The following CDH18 variants were observed in gnomAD, a reference collection of about 807,000 sequenced individuals.
The protein encoded by CDH18 is cadherin 18, also known as cadherin-18.
CDH18 carries 31 observed loss-of-function variants against 67.9 expected under a neutral mutation model. The ratio of observed to expected loss-of-function variants is 0.46; its 90% CI spans 0.34 to 0.62. The LOEUF is 0.62. CDH18 is among the 20% of genes least tolerant of loss of function. The pLI is 0.01. For synonymous variants in CDH18, 362 were observed against 347.2 expected (o/e 1.04, Z -0.48); for missense variants, 890 against 975.5 (o/e 0.91, Z 1.17).
chr5:20,267,949 C>T (rs1745162680), intron 1 of CDH18, among the ~76,000 whole-genome samples: 1 of 152,130 alleles, frequency 6.6e-6, no homozygotes, highest in South Asian at 2.1e-4. Context: ...TTTCCTCCTT[C>T]CCTCTTCCCA....
In CDH18 at chr5:20,553,467, C is replaced by T. The variant is rs191876056; in HGVS notation, c.-580+21995G>A. On this transcript the variant is annotated intron_variant, in intron 1 of 14. Coordinates refer to the CDH18 transcript ENST00000507958. ...AACAACAAAACAGAAACAACGCTAA[C>T]ATTTATTGGGCTAATTATAGAATAT... Among the ~76,000 whole-genome samples the T allele has an allele frequency of 5.1e-4, 78 of 152,222 alleles. 1 individual carries two copies. The highest frequency in any genetic ancestry group is 4.7e-3 in the Admixed American group (72 of 15,276).
chr5:20,168,026 C>T (rs1334486601), intron 2 of CDH18, among the ~76,000 whole-genome samples: 1 of 152,138 alleles, frequency 6.6e-6, no homozygotes, highest in Non-Finnish European at 1.5e-5. Flanking sequence ...GAATGGATGA[C>T]TAAATGGCTG....
chr5:19,663,867 C>T (rs1430183032), intron 5 of CDH18, among the ~76,000 whole-genome samples: 1 of 145,666 alleles, frequency 6.9e-6, no homozygotes, highest in Non-Finnish European at 1.5e-5. Context: ...ATAAGATACA[C>T]TTAAAAGACT....
intron 5 of CDH18, among the ~76,000 whole-genome samples, chr5:19,620,103 A>T (rs1750461280): frequency 6.6e-6 from 1 of 152,232 alleles, no homozygotes; most frequent in Admixed American, 6.5e-5. Flanking sequence ...GCAATCATAA[A>T]TTCATAGAGG....
intron 2 of CDH18, among the ~76,000 whole-genome samples, chr5:20,099,715 TTGAC>T (rs1276778110): frequency 1.3e-5 from 2 of 152,168 alleles, no homozygotes; most frequent in South Asian, 2.1e-4. Flanking sequence ...AGATAAGAGA[TTGAC>T]TGAGTGTGTC....
At chr5:20,200,499 A>C (rs12187864) in intron 2 of CDH18, among the ~76,000 whole-genome samples, 105,920 of 151,842 alleles carry the variant, frequency 0.7, 37,608 homozygotes, top group African/African-American at 0.85. Context: ...CATAGTGAAA[A>C]CTTATCTCTA....
At chr5:20,555,782 A>C (rs1360602987) in intron 1 of CDH18, among the ~76,000 whole-genome samples, 1 of 151,766 alleles carries the variant, frequency 6.6e-6, no homozygotes, top group Non-Finnish European at 1.5e-5. Context: ...ATTATTTTAA[A>C]TGTACCTCTG....
intron 1 of CDH18, among the ~76,000 whole-genome samples, chr5:20,281,463 G>C (rs967995156): frequency 6.6e-6 from 1 of 152,092 alleles, no homozygotes; most frequent in African/African-American, 2.4e-5. Flanking sequence ...ATTAAATAGG[G>C]AATCCTTTCC....
intron 6 of CDH18, among the ~76,000 whole-genome samples, chr5:19,597,310 G>A (rs1580408802): frequency 1.3e-5 from 2 of 152,282 alleles, no homozygotes; most frequent in African/African-American, 2.4e-5. Flanking sequence ...CTAAACCATA[G>A]CTAGATTCCT....
At chr5:20,205,659 T>C (rs1739823959) in intron 2 of CDH18, among the ~76,000 whole-genome samples, 1 of 151,738 alleles carries the variant, frequency 6.6e-6, no homozygotes, top group Non-Finnish European at 1.5e-5. Flanking sequence ...AGAAATCATA[T>C]AATATTTTCT....
At chr5:20,495,567 T>C (rs1753856257) in intron 1 of CDH18, among the ~76,000 whole-genome samples, 1 of 151,994 alleles carries the variant, frequency 6.6e-6, no homozygotes, top group East Asian at 1.9e-4. Flanking sequence ...AAAGTGCTCC[T>C]CCCAAAGAAC....
chr5:19,945,479 T>C (rs927440217), intron 2 of CDH18, among the ~76,000 whole-genome samples: 3 of 152,100 alleles, frequency 2.0e-5, no homozygotes, highest in African/African-American at 7.2e-5. Context: ...CCAAAACCTG[T>C]CATCATAGCA....
intron 2 of CDH18, among the ~76,000 whole-genome samples, chr5:20,183,014 T>C (rs1236906193): frequency 2.0e-5 from 3 of 152,118 alleles, no homozygotes; most frequent in Admixed American, 6.6e-5. Context: ...ATCTTTCTTA[T>C]ATTAGTTCTC....
intron 1 of CDH18, among the ~76,000 whole-genome samples, chr5:20,320,184 A>G (rs1737867466): frequency 6.6e-6 from 1 of 151,748 alleles, no homozygotes; most frequent in Non-Finnish European, 1.5e-5. Flanking sequence ...GGCAAAATAG[A>G]TTTAAGAATC....
At chr5:20,195,873 A>G (rs1386547601) in intron 2 of CDH18, among the ~76,000 whole-genome samples, 2 of 152,122 alleles carry the variant, frequency 1.3e-5, no homozygotes, top group African/African-American at 4.8e-5. Context: ...CACTTAATGG[A>G]AAGTGTGTAG....
chr5:20,029,681 C>A (rs181572647), intron 2 of CDH18, among the ~76,000 whole-genome samples: 1 of 152,122 alleles, frequency 6.6e-6, no homozygotes, highest in Non-Finnish European at 1.5e-5. Context: ...ATTTTAAAGT[C>A]TTATTATTTG....
intron 2 of CDH18, among the ~76,000 whole-genome samples, chr5:20,132,089 A>T (rs1466914445): frequency 1.3e-5 from 2 of 152,034 alleles, no homozygotes. Flanking sequence ...GGGTTTAACC[A>T]TGTTGACCAG....
At chr5:19,752,293 G>C (rs1166897591) in intron 3 of CDH18, among the ~76,000 whole-genome samples, 2 of 152,052 alleles carry the variant, frequency 1.3e-5, no homozygotes, top group African/African-American at 4.8e-5. Flanking sequence ...TAAGTCCTCA[G>C]CCCTGCTTGC....
At chr5:20,181,623 A>G (rs201186709) in intron 2 of CDH18, among the ~76,000 whole-genome samples, 1 of 152,132 alleles carries the variant, frequency 6.6e-6, no homozygotes, top group East Asian at 1.9e-4. Flanking sequence ...AGTAACATAG[A>G]TACAGTTTTT....
Sources: gnomAD v4.1 joint callset for allele counts (sites outside exome capture counted in the v4.1 genomes callset) on GRCh38, gnomAD v4.1.1 for gene constraint, MANE v1.5 for transcripts, NCBI Gene and HGNC (gene_info 2026-07-23, HGNC 2026-07-21) for gene names.